Variants in SIMC1 observed in about 807,000 individuals in gnomAD.
The protein encoded by SIMC1 is SUMO interacting motifs containing 1, also known as SUMO-interacting motif-containing protein 1.
Under a neutral mutation model 82.3 loss-of-function variants are expected in SIMC1, and 55 were observed. The ratio of observed to expected loss-of-function variants is 0.67; its 90% CI spans 0.54 to 0.84. The LOEUF is 0.84. Ranked by LOEUF, SIMC1 falls within the 40% of genes least tolerant of loss-of-function variation. The probability of loss-of-function intolerance (pLI) is 0.00; values close to 1 mark genes in which losing one functional copy is unlikely to be tolerated. For synonymous variants in SIMC1, 353 were observed against 426.3 expected (o/e 0.83, Z 2.12); for missense variants, 915 against 1,107.2 (o/e 0.83, Z 2.46).
At chr5:176,258,606 A>C (rs1214170818) in intron 1 of SIMC1, among the ~76,000 whole-genome samples, 1 of 150,430 alleles carries the variant, frequency 6.6e-6, no homozygotes, top group Non-Finnish European at 1.5e-5. Context: ...TTTTTTTTTG[A>C]GATAGAGTCT....
chr5:176,328,529 G>T lies in SIMC1; in HGVS notation c.2171+3772G>T, dbSNP rs1189306908. ...TCATGTTAACCCATTTATGCCTGGG[G>T]TTCAACATTTTTTGTGTGAAAAATC... On this transcript the variant is annotated intron_variant, in intron 7 of 9. Coordinates refer to ENST00000429602, the MANE Select transcript of SIMC1 (RefSeq NM_001308195.2). 2.6e-5 allele frequency among the ~76,000 whole-genome samples: 4 copies of T among 151,968 alleles called. No homozygotes were observed. In the South Asian group the frequency reaches 8.3e-4, roughly 32 times the overall value.
In SIMC1 at chr5:176,283,655, A is replaced by T. The variant is rs890622221; in HGVS notation, c.130-5999A>T. ...AACCAGCTAACATCATAATGACAGG[A>T]TCAAATTCACACATAACAATATTAA... On this transcript the variant is annotated intron_variant, in intron 1 of 9. Coordinates refer to ENST00000429602, the MANE Select transcript of SIMC1 (RefSeq NM_001308195.2). Among the ~76,000 whole-genome samples, 55 of 152,210 alleles carry T rather than the reference A, an allele frequency of 3.6e-4. 1 individual carries two copies. The highest frequency in any genetic ancestry group is 2.4e-5 in the African/African-American group (1 of 41,464).
intron 7 of SIMC1, among the ~76,000 whole-genome samples, chr5:176,334,543 T>C (rs907187076): frequency 6.6e-6 from 1 of 152,084 alleles, no homozygotes; most frequent in African/African-American, 2.4e-5. Context: ...CCAGTAGCTG[T>C]TCTCCACCAG....
At chr5:176,276,052 A>G (rs1397544512) in intron 1 of SIMC1, among the ~76,000 whole-genome samples, 3 of 151,642 alleles carry the variant, frequency 2.0e-5, no homozygotes, top group Non-Finnish European at 4.4e-5. Flanking sequence ...GAATGGTACC[A>G]GTTCCTCCTT....
In SIMC1 at chr5:176,313,691, G is replaced by C. The variant is rs1764770985; in HGVS notation, c.1735G>C (p.Gly579Arg). Residue 579 changes from glycine (G) to arginine (R), a missense_variant and splice_region_variant, in exon 5 of 10, where the codon GGA becomes CGA. Physicochemically the swap from Gly to Arg is moderately radical, Grantham distance 125 (BLOSUM62 -2). This residue lies in a region of SIMC1 where 902 missense variants were observed against 1,040.3 expected (regional missense o/e 0.87). Transcript: ENST00000429602. Reference sequence around the variant, plus strand: ...TGACTTCTCATTCTTTTTCCCACAGGGACAAACTCTGCCTGGGCGAGTCCT... The same window carrying C: ...TGACTTCTCATTCTTTTTCCCACAGCGACAAACTCTGCCTGGGCGAGTCCT... Reference protein sequence around the residue: ...KLLTYVMEEEGQTLPGRVLFL... With the variant: ...KLLTYVMEEERQTLPGRVLFL... The C allele has an allele frequency of 6.2e-7, 1 of 1,613,158 alleles. No homozygotes were observed. Among genetic ancestry groups the C allele is most frequent in the Non-Finnish European group, 8.5e-7 (1 of 1,179,654 alleles).
chr5:176,311,756 G>C (rs190562509), intron 4 of SIMC1, among the ~76,000 whole-genome samples: 1 of 152,264 alleles, frequency 6.6e-6, no homozygotes, highest in South Asian at 2.1e-4. Context: ...GTTAGTAAAC[G>C]TATTAGTAAA....
chr5:176,282,163 C>T (rs984591261), intron 1 of SIMC1, among the ~76,000 whole-genome samples: 12 of 152,224 alleles, frequency 7.9e-5, no homozygotes, highest in Non-Finnish European at 1.5e-4. Flanking sequence ...GCCTCGCTGC[C>T]GCCTTGCAGT....
intron 5 of SIMC1, among the ~76,000 whole-genome samples, chr5:176,319,001 C>T (rs1300079725): frequency 1.3e-5 from 2 of 152,098 alleles, no homozygotes; most frequent in African/African-American, 2.4e-5. Context: ...CCCAGCTACT[C>T]GGAAGGCTGA....
Position 176,337,125 on chromosome 5 carries a change from A to G in SIMC1, c.2392A>G (p.Ser798Gly), listed in dbSNP as rs1478395566. 6.2e-7 allele frequency: 1 copy of G among 1,613,984 alleles called. No homozygotes were observed. The highest frequency in any genetic ancestry group is 2.2e-5 in the East Asian group (1 of 44,890). ...LVEHLQFLLS[S>G]YQHVLREHLR... ...TGAGCATCTGCAGTTTCTGCTGTCC[A>G]GTTATCAACATGTTTTAAGAGGTAA... Residue 798 changes from serine to glycine, a missense_variant, in exon 9 of 10, where the codon AGT becomes GGT. By Grantham distance (56) the Ser-to-Gly change is moderately conservative. Around this residue, in one of 2 missense-constraint regions of SIMC1, gnomAD observed 902 missense variants for 1,040.3 expected, o/e 0.87. Coordinates refer to ENST00000429602, the MANE Select transcript of SIMC1 (RefSeq NM_001308195.2).
At chr5:176,256,050 C>T (rs1761842952) in intron 1 of SIMC1, among the ~76,000 whole-genome samples, 1 of 152,034 alleles carries the variant, frequency 6.6e-6, no homozygotes, top group African/African-American at 2.4e-5. Flanking sequence ...GAAGCTTCCA[C>T]AGGAAAACTC....
At chr5:176,307,319 C>T (rs1451305241) in intron 4 of SIMC1, among the ~76,000 whole-genome samples, 1 of 152,180 alleles carries the variant, frequency 6.6e-6, no homozygotes. Flanking sequence ...GGCTCTTTTA[C>T]AGGACTGTGA....
At chr5:176,245,396 G>A (rs1761403636) in intron 1 of SIMC1, among the ~76,000 whole-genome samples, 3 of 152,168 alleles carry the variant, frequency 2.0e-5, no homozygotes, top group South Asian at 2.1e-4. Context: ...TCAAGAGAAC[G>A]TGGCTCTGTA....
chr5:176,278,255 G>T (rs1481734890), intron 1 of SIMC1, among the ~76,000 whole-genome samples: 2 of 69,176 alleles, frequency 2.9e-5, no homozygotes, highest in Non-Finnish European at 6.1e-5. Context: ...CTGTTTGTCT[G>T]TCGTTGGTGT....
intron 1 of SIMC1, among the ~76,000 whole-genome samples, chr5:176,281,546 C>T (rs1310182465): frequency 6.6e-6 from 1 of 152,084 alleles, no homozygotes; most frequent in Non-Finnish European, 1.5e-5. Context: ...GCTTTTTCCC[C>T]ATCTTTGTGA....
At chr5:176,337,216 A>T (rs1162927934) in intron 9 of SIMC1, 70 bp downstream of exon 9, 1 of 1,251,128 alleles carries the variant, frequency 8.0e-7, no homozygotes, top group East Asian at 2.3e-5. Context: ...TCATAACTAC[A>T]CAGGATATTC....
chr5:176,290,831 A>T lies in SIMC1; in HGVS notation c.1307A>T (p.Gln436Leu). The change falls in exon 2 of 10, where the codon CAA becomes CTA. Residue 436 changes from glutamine to leucine, a missense_variant. Around this residue, in one of 2 missense-constraint regions of SIMC1, gnomAD observed 902 missense variants for 1,040.3 expected, o/e 0.87. Transcript: ENST00000429602. Reference sequence around the variant, plus strand: ...GCCAAACCTGGGTCTGCCCACGTACAATCACGAACACCACAAGGTGGGTTG... The same window carrying T: ...GCCAAACCTGGGTCTGCCCACGTACTATCACGAACACCACAAGGTGGGTTG... ...EPAKPGSAHV[Q>L]SRTPQGGLYN... 1 of 1,613,784 alleles carries T rather than the reference A, an allele frequency of 6.2e-7. No individual in the cohort carries two copies. The highest frequency in any genetic ancestry group is 8.5e-7 in the Non-Finnish European group (1 of 1,179,764).
chr5:176,285,264 C>CA (rs1222304294), intron 1 of SIMC1, among the ~76,000 whole-genome samples: 17 of 152,136 alleles, frequency 1.1e-4, no homozygotes, highest in Non-Finnish European at 2.2e-4. Context: ...CCGAATCCAG[C>CA]AGCACATCAA....
chr5:176,306,858 C>G (rs1640288992), intron 4 of SIMC1, among the ~76,000 whole-genome samples: 1 of 151,444 alleles, frequency 6.6e-6, no homozygotes, highest in Non-Finnish European at 1.5e-5. Flanking sequence ...CACTGTTGTC[C>G]CATGACCCTG....
chr5:176,298,493 G>T (rs181543351), intron 4 of SIMC1, among the ~76,000 whole-genome samples: 8 of 152,290 alleles, frequency 5.3e-5, no homozygotes, highest in Admixed American at 5.2e-4. Flanking sequence ...CATTAGCTGG[G>T]TGTGGTGGTG....
Sources: gnomAD v4.1 joint callset for allele counts (sites outside exome capture counted in the v4.1 genomes callset) on GRCh38, gnomAD v4.1.1 for gene constraint, gnomAD v4.1.1 regional missense constraint, MANE v1.5 for transcripts, NCBI Gene and HGNC (gene_info 2026-07-23, HGNC 2026-07-21) for gene names.